Variants in ZC3H12A observed in about 807,000 individuals in gnomAD.
ZC3H12A encodes endoribonuclease ZC3H12A.
A neutral mutation model predicts 29.9 loss-of-function variants in ZC3H12A; 9 were observed. The ratio of observed to expected loss-of-function variants is 0.30; its 90% confidence interval spans 0.18 to 0.53. The LOEUF is 0.53. Among genes scored for constraint, ZC3H12A ranks in the 20% least tolerant of loss-of-function variants. The pLI, the probability that ZC3H12A is intolerant of heterozygous loss-of-function variation, is 0.96. For synonymous variants in ZC3H12A, 323 were observed against 338.1 expected (o/e 0.96, Z 0.49); for missense variants, 617 against 799.0 (o/e 0.77, Z 2.75).
Position 37,484,354 on chromosome 1 carries a change from T to C in ZC3H12A, c.*743T>C, listed in dbSNP as rs1461483542. The C allele has an allele frequency of 6.6e-6, 1 of 152,194 alleles. No individual in the cohort carries two copies. Among genetic ancestry groups the C allele is most frequent in the African/African-American group, 2.4e-5 (1 of 41,420 alleles). The allele number at this position is 152,194 out of a possible 1,614,324, so 9.4% of individuals were successfully genotyped here. On this transcript the variant is annotated 3_prime_UTR_variant, in exon 6 of 6. Coordinates refer to ENST00000373087, the MANE Select transcript of ZC3H12A (RefSeq NM_025079.3). The stretch of plus-strand genomic sequence containing the variant: ...TACCTCCTGTAACACATCAATAAAG[T>C]ACAATCATTGTGAGCCCTTTCAAGA...
Position 37,475,388 on chromosome 1 carries a change from C to G in ZC3H12A, c.-38-71C>G. On this transcript the variant is annotated intron_variant, in intron 1 of 5. Transcript: ENST00000373087. This position sits in a 1 kb window ranked among gnomAD's most constrained non-coding sequence, Gnocchi z 5.2. ...GTAGTGCCACCAATCCCTCATCCTG[C>G]TGGATGTGGTTTTGGGAGGGAGGTT... 1.6e-6 allele frequency: 2 copies of G among 1,212,682 alleles called. No individual in the cohort carries two copies. Among genetic ancestry groups the G allele is most frequent in the Admixed American group, 2.3e-5 (1 of 44,084 alleles). The allele number at this position is 1,212,682 out of a possible 1,614,324, so 75.1% of individuals were successfully genotyped here.
rs1486621201 is a variant in ZC3H12A, at chr1:37,481,764, C to G, written c.747C>G (p.Leu249=). 6.2e-7 allele frequency: 1 copy of G among 1,614,104 alleles called. No individual in the cohort carries two copies. Among genetic ancestry groups the G allele is most frequent in the African/African-American group, 1.3e-5 (1 of 74,946 alleles). Residue 249 remains leucine, a synonymous_variant, in exon 4 of 6, where the codon CTC becomes CTG. Coordinates refer to ENST00000373087, the MANE Select transcript of ZC3H12A (RefSeq NM_025079.3). ...IVVSNDTYRD[L]QGERQEWKRF... ...TTTCCAACGACACATACCGTGACCT[C>G]CAAGGCGAGCGGCAGGAGTGGAAGC...
At chr1:37,477,651 A>T (rs1168053456) in intron 2 of ZC3H12A, among the ~76,000 whole-genome samples, 2 of 152,214 alleles carry the variant, frequency 1.3e-5, no homozygotes, top group African/African-American at 2.4e-5. Flanking sequence ...GTCCTGGGGC[A>T]GGAGCAGCCT....
At chr1:37,482,130 C>T (rs1641720588) in intron 4 of ZC3H12A, among the ~76,000 whole-genome samples, 2 of 152,200 alleles carry the variant, frequency 1.3e-5, no homozygotes, top group African/African-American at 2.4e-5. Flanking sequence ...TCTCTACGAA[C>T]CAACATGGCA....
chr1:37,478,784 A>G lies in ZC3H12A; in HGVS notation c.444-1506A>G. ...TAGTGCCCTCCTCACAAGCTTGCTG[A>G]TGATTCAGTGTTAGACACTTATAAC... On this transcript the variant is annotated intron_variant, in intron 2 of 5. Coordinates refer to ENST00000373087, the MANE Select transcript of ZC3H12A (RefSeq NM_025079.3). This position sits in a 1 kb window ranked among gnomAD's most constrained non-coding sequence, Gnocchi z 5.2. 2 of 942,726 alleles carry G rather than the reference A, an allele frequency of 2.1e-6. No homozygotes were observed. Among genetic ancestry groups the G allele is most frequent in the Non-Finnish European group, 2.5e-6 (2 of 790,950 alleles). The allele number at this position is 942,726 out of a possible 1,614,324, so 58.4% of individuals were successfully genotyped here.
chr1:37,476,081 A>AGTTCCCTTTTATG lies in ZC3H12A; in HGVS notation c.443+142_443+143insGTTCCCTTTTATG. ...TTAGGGACTGGTCTAGAGGGAGGGA[A>AGTTCCCTTTTATG]AGCCTTTTATGAGGCTAGGGTCGCG... On this transcript the variant is annotated intron_variant, in intron 2 of 5. Coordinates refer to ENST00000373087, the MANE Select transcript of ZC3H12A (RefSeq NM_025079.3). This position sits in a 1 kb window ranked among gnomAD's most constrained non-coding sequence, Gnocchi z 6.0. 1 of 944,324 alleles carries AGTTCCCTTTTATG rather than the reference A, an allele frequency of 1.1e-6. No individual in the cohort carries two copies. Among genetic ancestry groups the AGTTCCCTTTTATG allele is most frequent in the East Asian group, 2.8e-5 (1 of 36,070 alleles). 58.5% of individuals were successfully genotyped at this position (944,324 alleles called of 1,614,324 possible). A position where few individuals can be genotyped will look rare whatever the true frequency, so the allele number is the denominator to read the frequency against.
rs1364383279 is a variant in ZC3H12A, at chr1:37,478,456, GTC to G, written c.444-1830_444-1829del. On this transcript the variant is annotated intron_variant, in intron 2 of 5. Coordinates refer to ENST00000373087, the MANE Select transcript of ZC3H12A (RefSeq NM_025079.3). This position sits in a 1 kb window ranked among gnomAD's most constrained non-coding sequence, Gnocchi z 5.2. ...CCAGACCTGGGTTCGAGTTCTGACT[GTC>G]TCTTACCACTAGCCAGGTGACCTTC... Among the ~76,000 whole-genome samples, 6 of 152,206 alleles carry G rather than the reference GTC, an allele frequency of 3.9e-5. No homozygotes were observed. Among genetic ancestry groups the G allele is most frequent in the Non-Finnish European group, 7.3e-5 (5 of 68,038 alleles).
chr1:37,476,154 C>T lies in ZC3H12A; in HGVS notation c.443+215C>T, dbSNP rs1434883577. Among the ~76,000 whole-genome samples, 1 of 152,118 alleles carries T rather than the reference C, an allele frequency of 6.6e-6. No individual in the cohort carries two copies. Among genetic ancestry groups the T allele is most frequent in the East Asian group, 1.9e-4 (1 of 5,182 alleles). Reference sequence around the variant, plus strand: ...GGGTTCCAGCCCAGGTCCCTCTGTCCGCAGAGCTTACCTTATGCTGTGGGT... The same window carrying T: ...GGGTTCCAGCCCAGGTCCCTCTGTCTGCAGAGCTTACCTTATGCTGTGGGT... On this transcript the variant is annotated intron_variant, in intron 2 of 5. Transcript: ENST00000373087. The surrounding 1 kb of genome is among the most constrained non-coding windows in gnomAD (Gnocchi z 6.0).
In ZC3H12A at chr1:37,484,275, CTG is replaced by C. The variant is rs1479081557; in HGVS notation, c.*668_*669del. The C allele has an allele frequency of 6.6e-6, 1 of 152,388 alleles. No homozygotes were observed. 9.4% of individuals were successfully genotyped at this position (152,388 alleles called of 1,614,324 possible). On this transcript the variant is annotated 3_prime_UTR_variant, in exon 6 of 6. Transcript: ENST00000373087. ...CGCCCTTCCCCATGGGTGGGGGAAC[CTG>C]TGTTTGTTTGTGTGCACATGTAAAT...
rs1641642376 is a variant in ZC3H12A at position 37,478,796 on chromosome 1, T to G, written c.444-1494T>G. ...CACAAGCTTGCTGATGATTCAGTGT[T>G]AGACACTTATAACAGGGCCTGGTTC... On this transcript the variant is annotated intron_variant, in intron 2 of 5. Coordinates refer to ENST00000373087, the MANE Select transcript of ZC3H12A (RefSeq NM_025079.3). This position sits in a 1 kb window ranked among gnomAD's most constrained non-coding sequence, Gnocchi z 5.2. 1.0e-6 allele frequency: 1 copy of G among 968,930 alleles called. No individual in the cohort carries two copies. Among genetic ancestry groups the G allele is most frequent in the Non-Finnish European group, 1.2e-6 (1 of 814,912 alleles). 60.0% of individuals were successfully genotyped at this position (968,930 alleles called of 1,614,324 possible). A position where few individuals can be genotyped will look rare whatever the true frequency, so the allele number is the denominator to read the frequency against.
Position 37,475,822 on chromosome 1 carries a change from T to C in ZC3H12A, c.326T>C (p.Val109Ala), listed in dbSNP as rs1238955846. ...GACCCCTGCCCTCAGCTCCCTCTAGTCCCGCGGGGTGGTGGCACCCCTAAG... is the reference window on the plus strand; with the variant it reads ...GACCCCTGCCCTCAGCTCCCTCTAGCCCCGCGGGGTGGTGGCACCCCTAAG... ...SPDPCPQLPL[V>A]PRGGGTPKAP... is the part of the protein sequence containing the mutation. The change falls in exon 2 of 6, where the codon GTC (valine) becomes GCC (alanine). Residue 109 changes from valine to alanine, a missense_variant. By Grantham distance (64) the Val-to-Ala change is moderately conservative (BLOSUM62 0). Transcript: ENST00000373087. The surrounding 1 kb of genome is among the most constrained non-coding windows in gnomAD (Gnocchi z 5.2). The C allele has an allele frequency of 6.2e-7, 1 of 1,605,916 alleles. No individual in the cohort carries two copies. Among genetic ancestry groups the C allele is most frequent in the Non-Finnish European group, 8.5e-7 (1 of 1,174,718 alleles).
In ZC3H12A at chr1:37,480,301, A is replaced by G; in HGVS notation, c.455A>G (p.Lys152Arg). Residue 152 changes from lysine (K) to arginine (R), a missense_variant, in exon 3 of 6, where the codon AAG (lysine) becomes AGG (arginine). Coordinates refer to ENST00000373087, the MANE Select transcript of ZC3H12A (RefSeq NM_025079.3). ...CCTCTCCCTCCCAGCCATGGGAACA[A>G]GGAGGTCTTCTCCTGCCGGGGCATC... ...GSNVAMSHGN[K>R]EVFSCRGILL... 2 of 1,613,414 alleles carry G rather than the reference A, an allele frequency of 1.2e-6. No homozygotes were observed. Among genetic ancestry groups the G allele is most frequent in the Non-Finnish European group, 1.7e-6 (2 of 1,179,578 alleles).
Position 37,483,261 on chromosome 1 carries a change from T to C in ZC3H12A, c.1450T>C (p.Phe484Leu). ...YGSELPATAA[F>L]SAFGRAMGAG... ...ATCTGAGCTCCCAGCCACCGCAGCCTTCTCTGCCTTTGGCCGGGCCATGGG... is the reference window on the plus strand; with the variant it reads ...ATCTGAGCTCCCAGCCACCGCAGCCCTCTCTGCCTTTGGCCGGGCCATGGG... Residue 484 changes from phenylalanine to leucine, a missense_variant, in exon 6 of 6, where the codon TTC becomes CTC. Physicochemically the swap from Phe to Leu is conservative, Grantham distance 22. Around this residue, in one of 5 missense-constraint regions of ZC3H12A, gnomAD observed 172 missense variants for 203.1 expected, o/e 0.85. Coordinates refer to ENST00000373087, the MANE Select transcript of ZC3H12A (RefSeq NM_025079.3). 2 of 1,614,016 alleles carry C rather than the reference T, an allele frequency of 1.2e-6. No homozygotes were observed. The highest frequency in any genetic ancestry group is 1.7e-6 in the Non-Finnish European group (2 of 1,180,006).
At chr1:37,482,564 C>A in intron 5 of ZC3H12A, 24 bp downstream of exon 5, 1 of 1,612,964 alleles carries the variant, frequency 6.2e-7, no homozygotes, top group Admixed American at 1.7e-5. Context: ...CCTGCCCTCC[C>A]CGGCCCTCCT....
chr1:37,475,472 G>A lies in ZC3H12A; in HGVS notation c.-25G>A, dbSNP rs772062004. On this transcript the variant is annotated 5_prime_UTR_variant, in exon 2 of 6. Coordinates refer to ENST00000373087, the MANE Select transcript of ZC3H12A (RefSeq NM_025079.3). This position sits in a 1 kb window ranked among gnomAD's most constrained non-coding sequence, Gnocchi z 5.2. Reference sequence around the variant, plus strand: ...TTGGTTGTTCAGTAGGAGCTGTGGCGCGGGGCCTTCCAGGAGTCTGAGCTA... The same window carrying A: ...TTGGTTGTTCAGTAGGAGCTGTGGCACGGGGCCTTCCAGGAGTCTGAGCTA... 8.3e-6 allele frequency: 13 copies of A among 1,574,922 alleles called. No homozygotes were observed. The highest frequency in any genetic ancestry group is 2.3e-5 in the South Asian group (2 of 86,174).
At chr1:37,477,706 C>A (rs1641619009) in intron 2 of ZC3H12A, among the ~76,000 whole-genome samples, 2 of 152,324 alleles carry the variant, frequency 1.3e-5, no homozygotes, top group South Asian at 4.1e-4. Context: ...TCTGCTTAGC[C>A]CGGCTGGGGG....
intron 2 of ZC3H12A, among the ~76,000 whole-genome samples, chr1:37,477,284 C>T (rs1226056277): frequency 6.6e-6 from 1 of 152,184 alleles, no homozygotes; most frequent in Admixed American, 6.5e-5. Context: ...CTGGGAGCAG[C>T]CATATGCAGT....
chr1:37,474,689 G>A (rs1305425584), intron 1 of ZC3H12A, 60 bp downstream of exon 1: 1 of 151,550 alleles, frequency 6.6e-6, no homozygotes, highest in South Asian at 2.1e-4. Context: ...GCGCTCCGGC[G>A]GGGTCCGAGC....
At chr1:37,480,957 T>G (rs1280535751) in intron 3 of ZC3H12A, among the ~76,000 whole-genome samples, 1 of 152,322 alleles carries the variant, frequency 6.6e-6, no homozygotes, top group Middle Eastern at 3.4e-3. Context: ...GCTCAGTGTA[T>G]GTTAGCTGTT....
Sources: allele counts gnomAD v4.1 joint callset (sites outside exome capture counted in the v4.1 genomes callset), GRCh38; gene constraint gnomAD v4.1.1; regional missense constraint gnomAD v4.1.1; non-coding constraint Gnocchi (gnomAD v3.1); transcripts MANE v1.5; gene names NCBI Gene and HGNC (gene_info 2026-07-23, HGNC 2026-07-21).